Variants in NOTCH1 observed in about 807,000 individuals in gnomAD.
The protein encoded by NOTCH1 is neurogenic locus notch homolog protein 1.
In NOTCH1, 37 loss-of-function variants were observed where a neutral mutation model predicts 254.8. That is an observed-to-expected ratio of 0.15 (90% CI 0.11 to 0.19). The LOEUF (loss-of-function observed/expected upper bound fraction) is 0.19. Among genes scored for constraint, NOTCH1 ranks in the 10% least tolerant of loss-of-function variants. NOTCH1 has a pLI of 1.00. For missense variants in NOTCH1, 2,972 were observed against 3,708.6 expected (o/e 0.80, Z 5.16); for synonymous variants, 1,731 against 1,618.1 (o/e 1.07, Z -1.68).
rs780209394 is a variant in NOTCH1, at chr9:136,523,051, C to T, written c.541G>A (p.Glu181Lys). ...CAAAGCCCGGGCTTCTGGCCACACT[C>T]GTTGACATCCTGCCGGCAGGTGGGG... ...HGPTCRQDVN[E>K]CGQKPGLCRH... Residue 181 changes from glutamate to lysine, a missense_variant, in exon 4 of 34, where the codon GAG (glutamate) becomes AAG (lysine). Coordinates refer to ENST00000651671, the MANE Select transcript of NOTCH1 (RefSeq NM_017617.5). 3.2e-6 allele frequency: 5 copies of T among 1,565,000 alleles called. No homozygotes were observed. Among genetic ancestry groups the T allele is most frequent in the Admixed American group, 1.9e-5 (1 of 52,670 alleles).
At chr9:136,523,474 G>A (rs145871600) in intron 3 of NOTCH1, among the ~76,000 whole-genome samples, 1 of 152,298 alleles carries the variant, frequency 6.6e-6, no homozygotes, top group African/African-American at 2.4e-5. Flanking sequence ...GGCAGGGGCG[G>A]CCTGGACACA....
intron 4 of NOTCH1, among the ~76,000 whole-genome samples, chr9:136,520,732 CAAAA>C (rs10711760): frequency 1.4e-5 from 2 of 140,604 alleles, no homozygotes; most frequent in Non-Finnish European, 3.1e-5. Context: ...AGACCTGTCT[CAAAA>C]AAAAAAAAAA....
rs776179600 is a variant in NOTCH1 at position 136,505,812 on chromosome 9, T to A, written c.4084A>T (p.Thr1362Ser). Residue 1362 changes from threonine to serine, a missense_variant, in exon 25 of 34, where the codon ACA becomes TCA. Coordinates refer to ENST00000651671, the MANE Select transcript of NOTCH1 (RefSeq NM_017617.5). Reference sequence around the variant, plus strand: ...GGGCTGCGCGGGCCGGAGATGCATGTGCCGCCGTTGAGGCAGCGCAGGCTG... The same window carrying A: ...GGGCTGCGCGGGCCGGAGATGCATGAGCCGCCGTTGAGGCAGCGCAGGCTG... ...CGSLRCLNGGTCISGPRSPTC... is the reference protein window; with the variant it reads ...CGSLRCLNGGSCISGPRSPTC... 6.3e-7 allele frequency: 1 copy of A among 1,589,724 alleles called. No homozygotes were observed. Among genetic ancestry groups the A allele is most frequent in the Non-Finnish European group, 8.5e-7 (1 of 1,171,966 alleles).
chr9:136,507,189 G>A (rs1843102141), intron 22 of NOTCH1, 116 bp downstream of exon 22: 11 of 1,572,282 alleles, frequency 7.0e-6, no homozygotes, highest in Middle Eastern at 4.3e-4. Context: ...CCTCACACAG[G>A]AAAATGGGAG....
At chr9:136,504,482 C>T (rs998527569) in intron 26 of NOTCH1, among the ~76,000 whole-genome samples, 191 bp downstream of exon 26, 1 of 152,244 alleles carries the variant, frequency 6.6e-6, no homozygotes, top group Non-Finnish European at 1.5e-5. Context: ...GGGCCCTGAG[C>T]TGGAATGCTG....
chr9:136,494,867 T>A lies in NOTCH1; in HGVS notation c.*1204A>T. 1 of 398,632 alleles carries A rather than the reference T, an allele frequency of 2.5e-6. No homozygotes were observed. The highest frequency in any genetic ancestry group is 3.5e-5 in the East Asian group (1 of 28,198). 24.7% of individuals were successfully genotyped at this position (398,632 alleles called of 1,614,324 possible). On this transcript the variant is annotated 3_prime_UTR_variant, in exon 34 of 34. Coordinates refer to ENST00000651671, the MANE Select transcript of NOTCH1 (RefSeq NM_017617.5). ...TATACTTGGTATTGCAAAAATCTGC[T>A]CCTCCCAAACTAGGAGGGGTGGCCC...
Position 136,494,571 on chromosome 9 carries a change from C to T in NOTCH1, c.*1500G>A, listed in dbSNP as rs1842889162. ...GTAAACTACACTCTATTTTATAAAA[C>T]ACAGTAAAAATCAACATCTTGGGAC... On this transcript the variant is annotated 3_prime_UTR_variant, in exon 34 of 34. Coordinates refer to ENST00000651671, the MANE Select transcript of NOTCH1 (RefSeq NM_017617.5). 1 of 398,876 alleles carries T rather than the reference C, an allele frequency of 2.5e-6. No homozygotes were observed. Among genetic ancestry groups the T allele is most frequent in the East Asian group, 3.5e-5 (1 of 28,232 alleles). 24.7% of individuals were successfully genotyped at this position (398,876 alleles called of 1,614,324 possible).
intron 19 of NOTCH1, among the ~76,000 whole-genome samples, chr9:136,508,643 G>A (rs929992293): frequency 6.6e-6 from 1 of 152,198 alleles, no homozygotes; most frequent in African/African-American, 2.4e-5. Flanking sequence ...CCCAATTCCT[G>A]AGCTCCTGCC....
chr9:136,512,352 C>T (rs1260489416), intron 15 of NOTCH1, among the ~76,000 whole-genome samples: 2 of 152,178 alleles, frequency 1.3e-5, no homozygotes, highest in African/African-American at 4.8e-5. Context: ...CTGACCAGGC[C>T]CCGTGGCAGC....
chr9:136,518,019 TG>T (rs1448272907), intron 7 of NOTCH1, 82 bp from the exon 8 acceptor site: 2 of 1,574,188 alleles, frequency 1.3e-6, no homozygotes, highest in African/African-American at 2.7e-5. Flanking sequence ...CCCATCGGAC[TG>T]GCAGGGTCCC....
intron 11 of NOTCH1, 24 bp downstream of exon 11, chr9:136,515,459 C>G (rs1489959755): frequency 8.1e-6 from 13 of 1,611,558 alleles, no homozygotes; most frequent in Non-Finnish European, 1.1e-5. Context: ...TGGCCCCCCG[C>G]CGGCCACCCG....
chr9:136,523,833 G>C lies in NOTCH1; in HGVS notation c.287C>G (p.Pro96Arg). Reference sequence around the variant, plus strand: ...ATTGTCCAGGGGTGTCAGGCAGAGGGGCCCAGAGAAGCCCAGGGCACAGCT... The same window carrying C: ...ATTGTCCAGGGGTGTCAGGCAGAGGCGCCCAGAGAAGCCCAGGGCACAGCT... ...ACSCALGFSG[P>R]LCLTPLDNAC... is the part of the protein sequence containing the mutation. Residue 96 changes from proline to arginine, a missense_variant, in exon 3 of 34, where the codon CCC (proline) becomes CGC (arginine). Physicochemically the swap from Pro to Arg is moderately radical, Grantham distance 103. Around this residue, in one of 8 missense-constraint regions of NOTCH1, gnomAD observed 374 missense variants for 496.3 expected, o/e 0.75. Coordinates refer to ENST00000651671, the MANE Select transcript of NOTCH1 (RefSeq NM_017617.5). 1 of 1,611,972 alleles carries C rather than the reference G, an allele frequency of 6.2e-7. No homozygotes were observed. Among genetic ancestry groups the C allele is most frequent in the Non-Finnish European group, 8.5e-7 (1 of 1,179,668 alleles).
At chr9:136,515,457 C>T (rs777901118) in intron 11 of NOTCH1, 26 bp downstream of exon 11, 36 of 1,611,336 alleles carry the variant, frequency 2.2e-5, no homozygotes, top group Admixed American at 6.7e-5. Flanking sequence ...ACTGGCCCCC[C>T]GCCGGCCACC....
chr9:136,526,998 G>C (rs965543339), intron 2 of NOTCH1, among the ~76,000 whole-genome samples: 1 of 152,312 alleles, frequency 6.6e-6, no homozygotes, highest in African/African-American at 2.4e-5. Flanking sequence ...CCCCTGCCAC[G>C]GCCCCACAGC....
At chr9:136,516,361 G>A (rs1030994181) in intron 9 of NOTCH1, among the ~76,000 whole-genome samples, 3 of 152,220 alleles carry the variant, frequency 2.0e-5, no homozygotes, top group Non-Finnish European at 4.4e-5. Context: ...GAGCCGGGCT[G>A]AGAATGGGGC....
intron 9 of NOTCH1, among the ~76,000 whole-genome samples, chr9:136,516,900 C>G (rs1423534757): frequency 6.6e-6 from 1 of 152,190 alleles, no homozygotes. Context: ...CTGAACACAA[C>G]CAATGGCCAG....
chr9:136,536,817 G>A (rs933097406), intron 2 of NOTCH1, among the ~76,000 whole-genome samples: 1 of 152,230 alleles, frequency 6.6e-6, no homozygotes, highest in Non-Finnish European at 1.5e-5. Context: ...CTGCCCAGGG[G>A]GGCCTGCATC....
chr9:136,543,413 A>G (rs1843761539), intron 2 of NOTCH1: 2 of 242,166 alleles, frequency 8.3e-6, no homozygotes, highest in South Asian at 3.7e-5. Context: ...TCACGCACCC[A>G]GAGGAGGCAT....
chr9:136,543,849 TG>T, intron 2 of NOTCH1, 174 bp downstream of exon 2: 1 of 711,082 alleles, frequency 1.4e-6, no homozygotes, highest in South Asian at 1.6e-5. Context: ...GCAGCATAAT[TG>T]CTGGTGATTA....
Sources: allele counts gnomAD v4.1 joint callset (sites outside exome capture counted in the v4.1 genomes callset), GRCh38; gene constraint gnomAD v4.1.1; regional missense constraint gnomAD v4.1.1; transcripts MANE v1.5; gene names NCBI Gene and HGNC (gene_info 2026-07-23, HGNC 2026-07-21).